Variants in THADA observed in about 807,000 individuals in gnomAD.
THADA encodes THADA armadillo repeat containing.
A neutral mutation model predicts 219.8 loss-of-function variants in THADA; 213 were observed. The observed-to-expected ratio is 0.97, with a 90% CI of 0.87 to 1.09. The LOEUF (loss-of-function observed/expected upper bound fraction) is 1.09, where lower values mean the gene tolerates loss of function less well. THADA is among the 50% of genes least tolerant of loss of function. THADA has a pLI of 0.00. For synonymous variants in THADA, 1,018 were observed against 828.9 expected (o/e 1.23, Z -3.92); for missense variants, 2,956 against 2,311.3 (o/e 1.28, Z -5.72).
At chr2:43,443,972 C>T (rs950685685) in intron 26 of THADA, among the ~76,000 whole-genome samples, 1 of 152,112 alleles carries the variant, frequency 6.6e-6, no homozygotes, top group Admixed American at 6.6e-5. Flanking sequence ...CAGCCAGGGC[C>T]TGGACAAAAC....
intron 30 of THADA, among the ~76,000 whole-genome samples, chr2:43,329,854 G>C (rs1309400700): frequency 2.0e-5 from 3 of 152,172 alleles, no homozygotes; most frequent in Non-Finnish European, 2.9e-5. Flanking sequence ...CCAGCATAAA[G>C]GCACATTTTC....
At chr2:43,268,747 T>C (rs1461469844) in intron 36 of THADA, among the ~76,000 whole-genome samples, 1 of 152,178 alleles carries the variant, frequency 6.6e-6, no homozygotes, top group African/African-American at 2.4e-5. Flanking sequence ...CGGGCAGCAC[T>C]GTCATGACAG....
intron 15 of THADA, chr2:43,564,124 T>C (rs1051237980): frequency 1.3e-5 from 2 of 152,258 alleles, no homozygotes; most frequent in Non-Finnish European, 2.9e-5. Context: ...AGAAAACTTT[T>C]TGTTATATGG....
chr2:43,363,663 G>A (rs891637367), intron 29 of THADA, among the ~76,000 whole-genome samples: 6 of 152,214 alleles, frequency 3.9e-5, no homozygotes, highest in African/African-American at 1.4e-4. Context: ...TTAGCATTAT[G>A]AGGAAGTGAG....
intron 26 of THADA, among the ~76,000 whole-genome samples, chr2:43,478,751 C>T (rs1685836028): frequency 6.6e-6 from 1 of 152,158 alleles, no homozygotes; most frequent in African/African-American, 2.4e-5. Context: ...TATTTAAGAA[C>T]ACAATGACTA....
intron 26 of THADA, among the ~76,000 whole-genome samples, chr2:43,471,294 G>A (rs1336491594): frequency 1.3e-5 from 2 of 152,170 alleles, no homozygotes; most frequent in South Asian, 2.1e-4. Context: ...GGGAGACCGA[G>A]GCAGGAGGAT....
intron 28 of THADA, among the ~76,000 whole-genome samples, chr2:43,417,334 G>A (rs1024962199): frequency 3.3e-5 from 5 of 151,986 alleles, no homozygotes; most frequent in Non-Finnish European, 7.4e-5. Flanking sequence ...AGGCTTCTTA[G>A]CCTCAAGCCA....
chr2:43,233,023 C>T (rs913882736), intron 36 of THADA, 141 bp from the exon 37 acceptor site: 11 of 808,922 alleles, frequency 1.4e-5, no homozygotes, highest in Non-Finnish European at 7.8e-6. Context: ...AGGGTGGGCT[C>T]ACTGGAGACG....
chr2:43,467,921 A>G (rs1168301554), intron 26 of THADA, among the ~76,000 whole-genome samples: 1 of 152,214 alleles, frequency 6.6e-6, no homozygotes, highest in Non-Finnish European at 1.5e-5. Flanking sequence ...TCCACATCAA[A>G]CAGACTGGAA....
At chr2:43,342,118 G>A (rs1667127575) in intron 30 of THADA, among the ~76,000 whole-genome samples, 1 of 152,162 alleles carries the variant, frequency 6.6e-6, no homozygotes, top group African/African-American at 2.4e-5. Flanking sequence ...AGGGGACTGA[G>A]GCGGAGGGAT....
chr2:43,529,626 G>A (rs1365686330), intron 21 of THADA, among the ~76,000 whole-genome samples: 1 of 152,122 alleles, frequency 6.6e-6, no homozygotes, highest in Non-Finnish European at 1.5e-5. Flanking sequence ...AGTAACTATT[G>A]TCTTTTAAAA....
intron 8 of THADA, among the ~76,000 whole-genome samples, chr2:43,579,637 T>C (rs959146263): frequency 3.3e-5 from 5 of 152,206 alleles, no homozygotes; most frequent in African/African-American, 9.7e-5. Context: ...CAACTAAAGG[T>C]AGGCATATAA....
rs940212914 is a variant in THADA at position 43,393,477 on chromosome 2, T to C, written c.4227+4494A>G. Among the ~76,000 whole-genome samples the C allele has an allele frequency of 9.2e-5, 14 of 151,982 alleles. No individual in the cohort carries two copies. In the East Asian group the frequency reaches 1.9e-3, roughly 21 times the overall value. ...ATCCCAACACTTTGGGAGGCCGAGG[T>C]TGGGGGGATCACTTGAAGTCAGGAG... On this transcript the variant is annotated intron_variant, in intron 29 of 37. Transcript: ENST00000405975.
chr2:43,378,836 C>T (rs1386880706), intron 29 of THADA, among the ~76,000 whole-genome samples: 1 of 152,164 alleles, frequency 6.6e-6, no homozygotes, highest in Non-Finnish European at 1.5e-5. Context: ...AAACTCCTGA[C>T]CTCAGGTGAT....
intron 31 of THADA, among the ~76,000 whole-genome samples, chr2:43,295,441 C>G (rs1675257221): frequency 6.6e-6 from 1 of 152,198 alleles, no homozygotes; most frequent in Admixed American, 6.5e-5. Context: ...TTGTATCATT[C>G]TGTCCATGAA....
At position 43,398,240 on chromosome 2, in the gene THADA, G is replaced by A. The variant is rs548072212; in HGVS notation, c.4059-101C>T. ...TCTAGCATGGCCTGGAACATCCAGG[G>A]GTTAGGGGGAGACAGGAGCTGCTCC... is the stretch of plus-strand genomic sequence containing the variant. On this transcript the variant is annotated intron_variant, in intron 28 of 37. Transcript: ENST00000405975. The A allele has an allele frequency of 3.3e-5, 41 of 1,256,442 alleles. No homozygotes were observed. The South Asian group carries it at 5.9e-4, about 18-fold the overall frequency. The allele number at this position is 1,256,442 out of a possible 1,614,324, so 77.8% of individuals were successfully genotyped here.
At position 43,457,924 on chromosome 2, in the gene THADA, G is replaced by GA. The variant is rs977311705; in HGVS notation, c.3836+27309dup. Among the ~76,000 whole-genome samples the GA allele has an allele frequency of 2.9e-3, 436 of 147,872 alleles. 1 individual carries two copies. Among genetic ancestry groups the GA allele is most frequent in the Middle Eastern group, 0.01 (3 of 288 alleles). ...TGCACATACACTGAGGATGAGAAAGGAAAAAAAAAATCCCAGGTGATAGGG... is the reference window on the plus strand; with the variant it reads ...TGCACATACACTGAGGATGAGAAAGGAAAAAAAAAAATCCCAGGTGATAGGG... On this transcript the variant is annotated intron_variant, in intron 26 of 37. Transcript: ENST00000405975.
intron 26 of THADA, among the ~76,000 whole-genome samples, chr2:43,448,367 G>A (rs1403486316): frequency 1.3e-5 from 2 of 152,184 alleles, no homozygotes; most frequent in East Asian, 1.9e-4. Context: ...CACAAAGCCT[G>A]TGGGATGAGG....
At chr2:43,397,209 G>A (rs931471600) in intron 29 of THADA, among the ~76,000 whole-genome samples, 1 of 151,780 alleles carries the variant, frequency 6.6e-6, no homozygotes, top group Admixed American at 6.6e-5. Flanking sequence ...AACATGTATT[G>A]AGATCTCAAG....
Sources: allele counts gnomAD v4.1 joint callset (sites outside exome capture counted in the v4.1 genomes callset), GRCh38; gene constraint gnomAD v4.1.1; transcripts MANE v1.5; gene names NCBI Gene and HGNC (gene_info 2026-07-23, HGNC 2026-07-21).